Variants in FSTL5 observed in about 807,000 individuals in gnomAD.
FSTL5 encodes follistatin like 5, also known as follistatin-related protein 5.
A neutral mutation model predicts 89.1 loss-of-function variants in FSTL5; 62 were observed. The ratio of observed to expected loss-of-function variants is 0.70; its 90% CI spans 0.57 to 0.86. The LOEUF (loss-of-function observed/expected upper bound fraction) is 0.86. FSTL5 is among the 40% of genes least tolerant of loss of function. The pLI, the probability that FSTL5 is intolerant of heterozygous loss-of-function variation, is 0.00. For missense variants in FSTL5, 1,057 were observed against 1,001.6 expected, an observed-to-expected ratio of 1.06 and a Z score of -0.75; for synonymous variants, 383 against 346.2, an observed-to-expected ratio of 1.11 and a Z score of -1.18.
intron 15 of FSTL5, among the ~76,000 whole-genome samples, chr4:161,430,031 A>G (rs1208246329): frequency 6.6e-6 from 1 of 152,138 alleles, no homozygotes; most frequent in Admixed American, 6.5e-5. Flanking sequence ...AGGTAAATTT[A>G]ACAAAGAGAT....
chr4:161,618,475 C>T (rs1359934843), intron 7 of FSTL5, among the ~76,000 whole-genome samples: 1 of 141,006 alleles, frequency 7.1e-6, no homozygotes, highest in African/African-American at 2.7e-5. Flanking sequence ...ATAGATAGCT[C>T]TTATTATTTT....
intron 2 of FSTL5, among the ~76,000 whole-genome samples, chr4:162,095,761 T>A (rs1730725488): frequency 6.6e-6 from 1 of 151,956 alleles, no homozygotes; most frequent in Non-Finnish European, 1.5e-5. Context: ...ACTTAGAACA[T>A]CAAGTTTTGA....
At chr4:161,731,004 T>A (rs1739587284) in intron 6 of FSTL5, among the ~76,000 whole-genome samples, 1 of 152,196 alleles carries the variant, frequency 6.6e-6, no homozygotes, top group African/African-American at 2.4e-5. Context: ...ACATTTAAGA[T>A]TATGTATTTT....
intron 6 of FSTL5, among the ~76,000 whole-genome samples, chr4:161,697,655 A>C (rs1366779102): frequency 6.6e-6 from 1 of 152,168 alleles, no homozygotes; most frequent in Non-Finnish European, 1.5e-5. Context: ...AATACAATGG[A>C]ATACTATTCA....
chr4:161,684,252 C>G, intron 6 of FSTL5, among the ~76,000 whole-genome samples: 1 of 152,248 alleles, frequency 6.6e-6, no homozygotes, highest in African/African-American at 2.4e-5. Flanking sequence ...GTGCAAGTAT[C>G]TTTTTGTATA....
chr4:161,727,818 G>A (rs1332659088), intron 6 of FSTL5, among the ~76,000 whole-genome samples: 1 of 152,184 alleles, frequency 6.6e-6, no homozygotes, highest in Admixed American at 6.6e-5. Flanking sequence ...TTTCTGGAAA[G>A]CTGACTTCTT....
At chr4:161,527,445 C>A (rs959010481) in intron 10 of FSTL5, among the ~76,000 whole-genome samples, 6 of 152,052 alleles carry the variant, frequency 3.9e-5, no homozygotes, top group African/African-American at 1.4e-4. Context: ...AACAAATTTA[C>A]AAGAAAAAAA....
At chr4:162,083,783 G>C (rs1345775345) in intron 2 of FSTL5, among the ~76,000 whole-genome samples, 1 of 151,674 alleles carries the variant, frequency 6.6e-6, no homozygotes, top group Non-Finnish European at 1.5e-5. Context: ...CGTTAGGAGA[G>C]CTATGAAACA....
intron 6 of FSTL5, among the ~76,000 whole-genome samples, chr4:161,747,803 T>C (rs1365986467): frequency 6.6e-6 from 1 of 152,220 alleles, no homozygotes; most frequent in African/African-American, 2.4e-5. Flanking sequence ...TACACAGCAC[T>C]TAGTGTACAC....
chr4:161,984,715 A>G (rs973549625), intron 3 of FSTL5, among the ~76,000 whole-genome samples: 1 of 152,164 alleles, frequency 6.6e-6, no homozygotes, highest in Non-Finnish European at 1.5e-5. Context: ...AAAGATTACA[A>G]TGATGTTAAC....
At chr4:161,894,254 G>A (rs1032071330) in intron 4 of FSTL5, among the ~76,000 whole-genome samples, 10 of 151,894 alleles carry the variant, frequency 6.6e-5, no homozygotes, top group Admixed American at 2.6e-4. Flanking sequence ...TTTCTATTAC[G>A]TGATAATGGT....
chr4:161,779,821 ATATATATATATATATG>A (rs1560841127), intron 4 of FSTL5, among the ~76,000 whole-genome samples: 8 of 63,352 alleles, frequency 1.3e-4, no homozygotes, highest in African/African-American at 3.1e-4. Context: ...GTATATATAT[ATATATATATATATATG>A]TATATAAAAT....
intron 3 of FSTL5, among the ~76,000 whole-genome samples, chr4:161,921,517 A>C (rs777237583): frequency 6.6e-6 from 1 of 152,156 alleles, no homozygotes; most frequent in Non-Finnish European, 1.5e-5. Context: ...ATACACATAG[A>C]TATGTATACA....
chr4:161,660,025 T>C (rs758049259), intron 6 of FSTL5, among the ~76,000 whole-genome samples: 1 of 152,204 alleles, frequency 6.6e-6, no homozygotes, highest in Non-Finnish European at 1.5e-5. Flanking sequence ...ATAGGCTAAG[T>C]GTAACATATG....
At chr4:162,139,092 T>C (rs994184870) in intron 1 of FSTL5, among the ~76,000 whole-genome samples, 1 of 152,088 alleles carries the variant, frequency 6.6e-6, no homozygotes, top group African/African-American at 2.4e-5. Context: ...TACTTGTTTT[T>C]TAAATTTTAC....
At chr4:161,545,030 TG>T (rs1731959571) in intron 8 of FSTL5, among the ~76,000 whole-genome samples, 1 of 152,050 alleles carries the variant, frequency 6.6e-6, no homozygotes, top group Admixed American at 6.6e-5. Flanking sequence ...AAAAGTGAGA[TG>T]TGGATTAATT....
intron 4 of FSTL5, among the ~76,000 whole-genome samples, chr4:161,867,088 A>G (rs1032176128): frequency 9.2e-5 from 14 of 152,064 alleles, no homozygotes; most frequent in Non-Finnish European, 1.9e-4. Flanking sequence ...TGATATATTC[A>G]GAGCCTCAGT....
chr4:161,723,432 A>G (rs1483497182), intron 6 of FSTL5, among the ~76,000 whole-genome samples: 1 of 152,206 alleles, frequency 6.6e-6, no homozygotes, highest in Non-Finnish European at 1.5e-5. Context: ...CAAGGACATC[A>G]ACAATCTGCA....
intron 6 of FSTL5, among the ~76,000 whole-genome samples, chr4:161,755,939 T>A (rs1579070218): frequency 6.6e-6 from 1 of 152,058 alleles, no homozygotes; most frequent in Non-Finnish European, 1.5e-5. Context: ...CAGGTAATTT[T>A]ATGGAGAGAG....
Sources: gnomAD v4.1 joint callset for allele counts (sites outside exome capture counted in the v4.1 genomes callset) on GRCh38, gnomAD v4.1.1 for gene constraint, MANE v1.5 for transcripts, NCBI Gene and HGNC (gene_info 2026-07-23, HGNC 2026-07-21) for gene names.